The following TINAG variants were observed in gnomAD, a reference collection of about 807,000 sequenced individuals.
The protein encoded by TINAG is tubulointerstitial nephritis antigen.
Under a neutral mutation model 72.7 loss-of-function variants are expected in TINAG, and 83 were observed. The ratio of observed to expected loss-of-function variants is 1.14; its 90% confidence interval spans 0.96 to 1.37. The LOEUF is 1.37. Ranked by LOEUF, TINAG falls within the 40% of genes most tolerant of loss-of-function variation. The probability of loss-of-function intolerance (pLI) is 0.00; values close to 1 mark genes in which losing one functional copy is unlikely to be tolerated. For missense variants in TINAG, 685 were observed against 576.6 expected (o/e 1.19, Z -1.93); for synonymous variants, 234 against 189.9 (o/e 1.23, Z -1.91).
chr6:54,370,450 T>A (rs1763569065), intron 9 of TINAG, among the ~76,000 whole-genome samples: 1 of 151,970 alleles, frequency 6.6e-6, no homozygotes, highest in Admixed American at 6.6e-5. Context: ...ATGAAATATA[T>A]AATATGAAAT....
chr6:54,318,341 C>A (rs139132145), intron 1 of TINAG, among the ~76,000 whole-genome samples: 3 of 152,068 alleles, frequency 2.0e-5, no homozygotes, highest in Non-Finnish European at 4.4e-5. Flanking sequence ...TTGACACAAG[C>A]CTGTTTCTTA....
intron 4 of TINAG, among the ~76,000 whole-genome samples, chr6:54,336,248 A>C (rs1784862768): frequency 6.6e-6 from 1 of 152,174 alleles, no homozygotes; most frequent in Non-Finnish European, 1.5e-5. Context: ...AGTTTAAATA[A>C]ATGTTATTAT....
chr6:54,350,379 C>T (rs192361999), intron 7 of TINAG, among the ~76,000 whole-genome samples: 2 of 152,080 alleles, frequency 1.3e-5, no homozygotes, highest in East Asian at 3.9e-4. Flanking sequence ...CCCAAGCCTT[C>T]TCGTTTTCAG....
chr6:54,310,856 G>A lies in TINAG; in HGVS notation c.355+1951G>A, dbSNP rs543816240. On this transcript the variant is annotated intron_variant, in intron 1 of 10. Coordinates refer to ENST00000259782, the MANE Select transcript of TINAG (RefSeq NM_014464.4). ...TCTTTTTTCTCTCTCTCTTTCTCTCGCTCTTTCTTTCTCTTTCTTTTTTTC... is the reference window on the plus strand; with the variant it reads ...TCTTTTTTCTCTCTCTCTTTCTCTCACTCTTTCTTTCTCTTTCTTTTTTTC... 1.4e-3 allele frequency among the ~76,000 whole-genome samples: 118 copies of A among 82,528 alleles called. 2 individuals are homozygous for A. In the Middle Eastern group the frequency reaches 0.068, roughly 47 times the overall value. 54.1% of individuals were successfully genotyped at this position (82,528 alleles called of 152,430 possible). A position where few individuals can be genotyped will look rare whatever the true frequency, so the allele number is the denominator to read the frequency against.
intron 3 of TINAG, among the ~76,000 whole-genome samples, chr6:54,323,601 T>C (rs955674291): frequency 3.9e-5 from 6 of 152,224 alleles, no homozygotes; most frequent in Admixed American, 2.0e-4. Flanking sequence ...TATTTTTTAA[T>C]GTAATCAGTT....
Position 54,344,063 on chromosome 6 carries a change from T to C in TINAG, c.748+714T>C, listed in dbSNP as rs189820241. 9.3e-4 allele frequency among the ~76,000 whole-genome samples: 142 copies of C among 152,302 alleles called. 1 individual carries two copies. Among genetic ancestry groups the C allele is most frequent in the African/African-American group, 3.3e-3 (139 of 41,574 alleles). On this transcript the variant is annotated intron_variant, in intron 5 of 10. Coordinates refer to ENST00000259782, the MANE Select transcript of TINAG (RefSeq NM_014464.4). ...TGTTGAATATATTTCAGGAATTAAA[T>C]GAAACCTAACATGATGATTGGCTGT...
Position 54,313,684 on chromosome 6 carries a change from G to A in TINAG, c.355+4779G>A, listed in dbSNP as rs533029084. On this transcript the variant is annotated intron_variant, in intron 1 of 10. Coordinates refer to ENST00000259782, the MANE Select transcript of TINAG (RefSeq NM_014464.4). ...TGAAGTGGGAGGCCTAGTAAATATTGTTTGAATTTGGATTAATTGATATTT... is the reference window on the plus strand; with the variant it reads ...TGAAGTGGGAGGCCTAGTAAATATTATTTGAATTTGGATTAATTGATATTT... Among the ~76,000 whole-genome samples, 314 of 152,078 alleles carry A rather than the reference G, an allele frequency of 2.1e-3. 1 individual carries two copies. Among genetic ancestry groups the A allele is most frequent in the Non-Finnish European group, 1.8e-3 (120 of 67,978 alleles).
intron 7 of TINAG, 53 bp from the exon 8 acceptor site, chr6:54,351,299 G>A (rs1378596317): frequency 4.6e-6 from 7 of 1,505,750 alleles, no homozygotes; most frequent in African/African-American, 1.4e-5. Context: ...CAATCAATGG[G>A]TTTAGTATGC....
At position 54,349,878 on chromosome 6, in the gene TINAG, A is replaced by G. The variant is rs763604506; in HGVS notation, c.1062A>G (p.Pro354=). 11 of 1,581,936 alleles carry G rather than the reference A, an allele frequency of 7.0e-6. No homozygotes were observed. In the East Asian group the frequency reaches 2.3e-4, roughly 33 times the overall value. ...ACAGGATCTATCAATGTTCTCCTCC[A>G]TACAGAGTCTCTTCCAACGTAAGTA... is the stretch of plus-strand genomic sequence containing the variant. ...KSNRIYQCSP[P]YRVSSNETEI... is the part of the protein sequence containing the mutation. Residue 354 remains proline (P), a synonymous_variant, in exon 7 of 11, where the codon CCA becomes CCG. Coordinates refer to ENST00000259782, the MANE Select transcript of TINAG (RefSeq NM_014464.4).
chr6:54,347,813 C>T (rs1785162601), intron 6 of TINAG, among the ~76,000 whole-genome samples: 1 of 151,844 alleles, frequency 6.6e-6, no homozygotes, highest in Admixed American at 6.6e-5. Context: ...CAAGTGAGTC[C>T]CCACAGGCAG....
At chr6:54,336,721 A>G (rs901991550) in intron 4 of TINAG, among the ~76,000 whole-genome samples, 4 of 152,306 alleles carry the variant, frequency 2.6e-5, no homozygotes, top group African/African-American at 7.2e-5. Flanking sequence ...TAATTAGGTT[A>G]CTAAAGCTAT....
intron 9 of TINAG, among the ~76,000 whole-genome samples, chr6:54,366,681 C>T (rs1009260161): frequency 2.0e-5 from 3 of 150,170 alleles, no homozygotes; most frequent in Non-Finnish European, 4.5e-5. Context: ...TAGGGATATA[C>T]ATTGAGTAGC....
At chr6:54,343,004 G>T (rs1482200863) in intron 4 of TINAG, among the ~76,000 whole-genome samples, 1 of 152,060 alleles carries the variant, frequency 6.6e-6, no homozygotes, top group African/African-American at 2.4e-5. Context: ...ACCATTCTAT[G>T]TATTTTTCTC....
chr6:54,308,949 A>T lies in TINAG; in HGVS notation c.355+44A>T, dbSNP rs777251272. ...TTTCAACATCATCCTCGTTCATAACAACAAGATCTGACAAACGTTCTCTCT... is the reference window on the plus strand; with the variant it reads ...TTTCAACATCATCCTCGTTCATAACTACAAGATCTGACAAACGTTCTCTCT... On this transcript the variant is annotated intron_variant, in intron 1 of 10. Coordinates refer to ENST00000259782, the MANE Select transcript of TINAG (RefSeq NM_014464.4). 2.1e-6 allele frequency: 3 copies of T among 1,455,840 alleles called. No homozygotes were observed. The Admixed American group carries it at 6.4e-5, about 31-fold the overall frequency. 90.2% of individuals were successfully genotyped at this position (1,455,840 alleles called of 1,614,324 possible).
intron 10 of TINAG, among the ~76,000 whole-genome samples, chr6:54,387,026 TCA>T (rs1764117667): frequency 6.6e-6 from 1 of 152,146 alleles, no homozygotes; most frequent in African/African-American, 2.4e-5. Context: ...TGACAAGTCC[TCA>T]CATATACAAT....
intron 3 of TINAG, among the ~76,000 whole-genome samples, chr6:54,323,969 A>C (rs573103662): frequency 5.0e-4 from 76 of 152,330 alleles, no homozygotes; most frequent in African/African-American, 1.8e-3. Flanking sequence ...AAACAAAAAA[A>C]CAAATAATTT....
chr6:54,337,705 T>C (rs1784899665), intron 4 of TINAG, among the ~76,000 whole-genome samples: 2 of 152,170 alleles, frequency 1.3e-5, no homozygotes, highest in African/African-American at 4.8e-5. Flanking sequence ...TTATATACTT[T>C]TTATAATATT....
At chr6:54,314,462 A>T (rs189741129) in intron 1 of TINAG, among the ~76,000 whole-genome samples, 3 of 152,278 alleles carry the variant, frequency 2.0e-5, no homozygotes, top group Admixed American at 2.0e-4. Context: ...GAATATAGTC[A>T]CATGGACATA....
intron 9 of TINAG, among the ~76,000 whole-genome samples, chr6:54,377,555 A>T (rs1000959023): frequency 2.6e-5 from 4 of 152,096 alleles, no homozygotes; most frequent in Non-Finnish European, 5.9e-5. Flanking sequence ...TCAGTAAAGT[A>T]AGGTTCTGGT....
Sources: gnomAD v4.1 joint callset for allele counts (sites outside exome capture counted in the v4.1 genomes callset) on GRCh38, gnomAD v4.1.1 for gene constraint, MANE v1.5 for transcripts, NCBI Gene and HGNC (gene_info 2026-07-23, HGNC 2026-07-21) for gene names.